BTBD7: variants seen among roughly 807,000 people sequenced by gnomAD.
BTBD7 encodes the protein BTB domain containing 7, also known as BTB/POZ domain-containing protein 7.
Under a neutral mutation model 99.9 loss-of-function variants are expected in BTBD7, and 38 were observed. The observed-to-expected ratio is 0.38, with a 90% CI of 0.29 to 0.50. BTBD7 has a LOEUF of 0.50. BTBD7 is among the 20% of genes least tolerant of loss of function. The pLI is 0.93. For synonymous variants in BTBD7, 520 were observed against 511.4 expected (o/e 1.02, Z -0.23); for missense variants, 1,170 against 1,394.6 (o/e 0.84, Z 2.57).
intron 3 of BTBD7, among the ~76,000 whole-genome samples, chr14:93,282,524 G>C (rs551849034): frequency 1.3e-5 from 2 of 152,036 alleles, no homozygotes; most frequent in East Asian, 3.9e-4. Flanking sequence ...GTAGAGATGG[G>C]GTTTCACAAT....
At chr14:93,323,744 T>C (rs921072513) in intron 1 of BTBD7, among the ~76,000 whole-genome samples, 18 of 152,182 alleles carry the variant, frequency 1.2e-4, no homozygotes, top group Admixed American at 9.8e-4. Flanking sequence ...CAAAAAACAA[T>C]GTCTGATCTC....
chr14:93,308,448 C>T (rs368684486), intron 1 of BTBD7, among the ~76,000 whole-genome samples: 2 of 152,092 alleles, frequency 1.3e-5, no homozygotes, highest in South Asian at 2.1e-4. Flanking sequence ...TTTAAAAACA[C>T]ACTGCTTCCT....
At chr14:93,263,074 G>T (rs545057566) in intron 4 of BTBD7, among the ~76,000 whole-genome samples, 1 of 152,242 alleles carries the variant, frequency 6.6e-6, no homozygotes, top group South Asian at 2.1e-4. Context: ...CAAATACAAA[G>T]AAATAGGAAG....
At chr14:93,318,411 T>C (rs1338311760) in intron 1 of BTBD7, among the ~76,000 whole-genome samples, 2 of 152,232 alleles carry the variant, frequency 1.3e-5, no homozygotes, top group South Asian at 2.1e-4. Flanking sequence ...TTTAAAATAA[T>C]GTTTTTTTAA....
At chr14:93,279,460 G>A (rs575126021) in intron 3 of BTBD7, among the ~76,000 whole-genome samples, 32 of 152,152 alleles carry the variant, frequency 2.1e-4, no homozygotes, top group African/African-American at 4.8e-4. Flanking sequence ...GGGGCTTCTC[G>A]TCCTCCTAGG....
chr14:93,273,779 G>A (rs988880638), intron 3 of BTBD7, among the ~76,000 whole-genome samples: 1 of 152,174 alleles, frequency 6.6e-6, no homozygotes, highest in African/African-American at 2.4e-5. Context: ...CCAATAATGA[G>A]GATCATGTTC....
chr14:93,271,255 G>A (rs1229886949), intron 3 of BTBD7, among the ~76,000 whole-genome samples: 1 of 152,102 alleles, frequency 6.6e-6, no homozygotes, highest in Non-Finnish European at 1.5e-5. Flanking sequence ...TTCCTACAAT[G>A]CCACCCTATT....
chr14:93,284,148 T>G (rs1171826312), intron 3 of BTBD7, among the ~76,000 whole-genome samples: 1 of 152,194 alleles, frequency 6.6e-6, no homozygotes, highest in Non-Finnish European at 1.5e-5. Context: ...AAAGACTGCC[T>G]CTGGATTAAA....
At chr14:93,306,669 A>T (rs1185395113) in intron 1 of BTBD7, among the ~76,000 whole-genome samples, 2 of 152,210 alleles carry the variant, frequency 1.3e-5, no homozygotes, top group East Asian at 3.8e-4. Context: ...GAGAGTCTTA[A>T]GAAGTAATGG....
chr14:93,284,591 T>C (rs935395958), intron 3 of BTBD7, among the ~76,000 whole-genome samples: 1 of 152,164 alleles, frequency 6.6e-6, no homozygotes, highest in South Asian at 2.1e-4. Context: ...GACCAAGATT[T>C]TGATACACAA....
At chr14:93,305,233 C>T (rs1218988472) in intron 1 of BTBD7, among the ~76,000 whole-genome samples, 2 of 152,196 alleles carry the variant, frequency 1.3e-5, no homozygotes, top group African/African-American at 4.8e-5. Context: ...TGGCTTAATA[C>T]TGGCTAGTCA....
At chr14:93,272,316 A>C (rs1006030299) in intron 3 of BTBD7, among the ~76,000 whole-genome samples, 2 of 152,156 alleles carry the variant, frequency 1.3e-5, no homozygotes, top group African/African-American at 2.4e-5. Flanking sequence ...TGTGAGTCTT[A>C]TTTTCTCATG....
At chr14:93,324,236 C>T (rs1029444334) in intron 1 of BTBD7, among the ~76,000 whole-genome samples, 1 of 151,970 alleles carries the variant, frequency 6.6e-6, no homozygotes. Flanking sequence ...ACCAGGAGTT[C>T]AAGACGCCTG....
rs1479481670 is a variant in BTBD7, at chr14:93,257,219, T to G, written c.1584A>C (p.Ile528=). 6.2e-7 allele frequency: 1 copy of G among 1,614,086 alleles called. No homozygotes were observed. The highest frequency in any genetic ancestry group is 1.7e-5 in the Admixed American group (1 of 60,014). ...CTGCATCACTTAAGACTTCACTGTT[T>G]ATAGGTAAGATGTGTTCAATTCGCA... ...PFVRIEHILP[I]NSEVLSDAMK... The change falls in exon 6 of 11, where the codon ATA becomes ATC. Residue 528 remains isoleucine, a synonymous_variant. Transcript: ENST00000334746.
Position 93,246,248 on chromosome 14 carries a change from A to G in BTBD7, c.2160T>C (p.Asp720=). ...HKFFPDERFG[D]ESPLLTMRQP... ...GTCTCATTGTCAAGAGTGGACTTTCATCCCCAAAACGTTCATCAGGAAAGA... is the reference window on the plus strand; with the variant it reads ...GTCTCATTGTCAAGAGTGGACTTTCGTCCCCAAAACGTTCATCAGGAAAGA... The change falls in exon 10 of 11, where the codon GAT becomes GAC. Residue 720 remains aspartate, a synonymous_variant. Transcript: ENST00000334746. 6.5e-7 allele frequency: 1 copy of G among 1,539,194 alleles called. No individual in the cohort carries two copies. The highest frequency in any genetic ancestry group is 1.3e-5 in the South Asian group (1 of 79,092).
chr14:93,305,785 A>T (rs1192547047), intron 1 of BTBD7, among the ~76,000 whole-genome samples: 3 of 152,150 alleles, frequency 2.0e-5, no homozygotes, highest in African/African-American at 7.2e-5. Context: ...AAAAAAATCT[A>T]TTTCTTACAG....
rs2053251670 is a variant in BTBD7 at position 93,319,955 on chromosome 14, T to TAG, written c.-107+12863_-107+12864dup. 2.6e-5 allele frequency among the ~76,000 whole-genome samples: 4 copies of TAG among 151,792 alleles called. No homozygotes were observed. In the South Asian group the frequency reaches 8.3e-4, roughly 32 times the overall value. On this transcript the variant is annotated intron_variant, in intron 1 of 10. Transcript: ENST00000334746. The stretch of plus-strand genomic sequence containing the variant: ...AAGATGATGCCATTGTCCAACTAGG[T>TAG]AGAACTGATAAAGAAAATAAAAATG...
rs150507738 is a variant in BTBD7 at position 93,327,762 on chromosome 14, CG to C, written c.-107+5057del. On this transcript the variant is annotated intron_variant, in intron 1 of 10. Coordinates refer to ENST00000334746, the MANE Select transcript of BTBD7 (RefSeq NM_001002860.4). ...TTACCACCTCTAGTCGACACAGTAC[CG>C]GAAGTCCTAGCTGAGATTAGGCAAG... 3.6e-3 allele frequency among the ~76,000 whole-genome samples: 544 copies of C among 152,174 alleles called. 1 individual carries two copies. Among genetic ancestry groups the C allele is most frequent in the African/African-American group, 0.013 (521 of 41,512 alleles).
chr14:93,288,531 CTTCA>C, intron 3 of BTBD7: 2 of 783,666 alleles, frequency 2.6e-6, no homozygotes, highest in South Asian at 1.3e-5. Context: ...CTTCTGCTCC[CTTCA>C]TTGTCTGCTT....
Sources: allele counts gnomAD v4.1 joint callset (sites outside exome capture counted in the v4.1 genomes callset), GRCh38; gene constraint gnomAD v4.1.1; transcripts MANE v1.5; gene names NCBI Gene and HGNC (gene_info 2026-07-23, HGNC 2026-07-21).